The following RTTN variants were observed in gnomAD, a reference collection of about 807,000 sequenced individuals.
RTTN encodes rotatin.
Under a neutral mutation model 269.2 loss-of-function variants are expected in RTTN, and 182 were observed. The observed-to-expected ratio is 0.68, with a 90% CI of 0.60 to 0.76. The LOEUF is 0.76. Ranked by LOEUF, RTTN falls within the 30% of genes least tolerant of loss-of-function variation. The pLI is 0.00. For synonymous variants in RTTN, 1,006 were observed against 963.5 expected, an observed-to-expected ratio of 1.04 and a Z score of -0.82; for missense variants, 2,545 against 2,608.6, an observed-to-expected ratio of 0.98 and a Z score of 0.53.
chr18:70,179,992 T>A (rs1336062932), intron 10 of RTTN, among the ~76,000 whole-genome samples: 1 of 152,154 alleles, frequency 6.6e-6, no homozygotes, highest in Non-Finnish European at 1.5e-5. Flanking sequence ...CTCTCCACTA[T>A]TTGCACCTCA....
intron 3 of RTTN, among the ~76,000 whole-genome samples, chr18:70,202,861 A>T (rs2061986191): frequency 6.6e-6 from 1 of 152,234 alleles, no homozygotes; most frequent in Admixed American, 6.5e-5. Flanking sequence ...AACAAAACTC[A>T]ATAAATGACA....
intron 11 of RTTN, among the ~76,000 whole-genome samples, chr18:70,176,223 ATATGTATATG>A (rs2061294766): frequency 6.9e-6 from 1 of 145,484 alleles, no homozygotes; most frequent in Non-Finnish European, 1.5e-5. Context: ...ATGTATATGT[ATATGTATATG>A]TATATGTATA....
At chr18:70,016,801 G>A (rs1187892237) in intron 46 of RTTN, among the ~76,000 whole-genome samples, 2 of 151,850 alleles carry the variant, frequency 1.3e-5, no homozygotes, top group Non-Finnish European at 2.9e-5. Flanking sequence ...TTGAGTGCTC[G>A]CTAGTTGCAG....
chr18:70,086,541 A>T, intron 32 of RTTN, 72 bp downstream of exon 32: 3 of 1,121,460 alleles, frequency 2.7e-6, no homozygotes, highest in Admixed American at 2.1e-5. Flanking sequence ...GAAATATACT[A>T]CTTATACTGA....
chr18:70,176,047 AG>A (rs1782626423), intron 11 of RTTN, among the ~76,000 whole-genome samples: 1 of 152,112 alleles, frequency 6.6e-6, no homozygotes, highest in Non-Finnish European at 1.5e-5. Flanking sequence ...AAAAGATACA[AG>A]TGTACCAATT....
At chr18:70,202,006 T>C (rs760711515) in intron 3 of RTTN, 23 bp from the exon 4 acceptor site, 32 of 1,353,254 alleles carry the variant, frequency 2.4e-5, no homozygotes, top group Non-Finnish European at 3.2e-5. Flanking sequence ...TAAACATTAC[T>C]GTATTGTCGA....
rs566243371 is a variant in RTTN, at chr18:70,136,376, A to G, written c.2789-1096T>C. ...CCAACTGCCATAACAGAAAAGTTCT[A>G]TATGTTTCCATAAAATATTTAAGTT... On this transcript the variant is annotated intron_variant, in intron 21 of 48. Coordinates refer to ENST00000640769, the MANE Select transcript of RTTN (RefSeq NM_173630.4). 4.0e-5 allele frequency among the ~76,000 whole-genome samples: 6 copies of G among 151,342 alleles called. No individual in the cohort carries two copies. The South Asian group carries it at 1.3e-3, about 32-fold the overall frequency.
chr18:70,201,646 T>G (rs1435024525), intron 4 of RTTN, among the ~76,000 whole-genome samples: 1 of 142,752 alleles, frequency 7.0e-6, no homozygotes, highest in African/African-American at 2.5e-5. Flanking sequence ...TCATGTTCAT[T>G]CAGTACGACA....
chr18:70,055,126 C>T (rs1156841184), intron 37 of RTTN, among the ~76,000 whole-genome samples: 1 of 152,080 alleles, frequency 6.6e-6, no homozygotes, highest in East Asian at 1.9e-4. Flanking sequence ...TTGCCTGATG[C>T]TAATATTGTT....
chr18:70,120,932 T>A lies in RTTN; in HGVS notation c.3528+624A>T, dbSNP rs187589398. Among the ~76,000 whole-genome samples, 1,063 of 151,930 alleles carry A rather than the reference T, an allele frequency of 7.0e-3. 9 individuals carry two copies. The highest frequency in any genetic ancestry group is 0.024 in the African/African-American group (999 of 41,416). On this transcript the variant is annotated intron_variant, in intron 26 of 48. Coordinates refer to ENST00000640769, the MANE Select transcript of RTTN (RefSeq NM_173630.4). ...TGGGCGTGGTGGCAGGCACCTGTAA[T>A]CCCAGCTACTCAGGAGGCTGAGGCA... is the stretch of plus-strand genomic sequence containing the variant.
At chr18:70,204,010 A>C (rs2062017017) in intron 3 of RTTN, 76 bp downstream of exon 3, 3 of 1,188,232 alleles carry the variant, frequency 2.5e-6, no homozygotes, top group Admixed American at 5.0e-5. Flanking sequence ...CCTTTTTAAA[A>C]AAATCTAATC....
At chr18:70,160,049 T>C (rs1162371495) in intron 14 of RTTN, among the ~76,000 whole-genome samples, 2 of 152,012 alleles carry the variant, frequency 1.3e-5, no homozygotes, top group African/African-American at 2.4e-5. Context: ...TTCCAAAAAA[T>C]GAAGGAGGAG....
chr18:70,066,690 C>G (rs922481991), intron 34 of RTTN, among the ~76,000 whole-genome samples: 2 of 152,176 alleles, frequency 1.3e-5, no homozygotes, highest in Non-Finnish European at 2.9e-5. Context: ...TCAGTACATG[C>G]AACACAACAT....
intron 26 of RTTN, among the ~76,000 whole-genome samples, chr18:70,117,790 T>C (rs1390816014): frequency 2.6e-5 from 4 of 152,022 alleles, no homozygotes; most frequent in African/African-American, 9.7e-5. Flanking sequence ...ATATCATTTC[T>C]GACCATAGTG....
chr18:70,011,618 C>T (rs190805670), intron 46 of RTTN, among the ~76,000 whole-genome samples: 1,946 of 152,244 alleles, frequency 0.013, 25 homozygotes, highest in Middle Eastern at 0.027. Context: ...TATGACAAAC[C>T]CACAGCCAAT....
chr18:70,141,168 A>T lies in RTTN; in HGVS notation c.2582-980T>A, dbSNP rs540076568. 1.4e-3 allele frequency among the ~76,000 whole-genome samples: 210 copies of T among 152,288 alleles called. 1 individual carries two copies. The highest frequency in any genetic ancestry group is 4.9e-3 in the African/African-American group (202 of 41,572). ...CTGTGTGATTGTTGTTAAAACTAAA[A>T]ATATGTGGAATATGTTTTTTCAAAT... On this transcript the variant is annotated intron_variant, in intron 19 of 48. Coordinates refer to ENST00000640769, the MANE Select transcript of RTTN (RefSeq NM_173630.4).
Position 70,193,448 on chromosome 18 carries a change from C to T in RTTN, c.847G>A (p.Val283Ile). 6.6e-7 allele frequency: 1 copy of T among 1,517,584 alleles called. No individual in the cohort carries two copies. Among genetic ancestry groups the T allele is most frequent in the Non-Finnish European group, 8.8e-7 (1 of 1,134,366 alleles). 94.0% of individuals were successfully genotyped at this position (1,517,584 alleles called of 1,614,324 possible). ...PGFFSNKHDT[V>I]SQNSSLSYCH... ...TAAGACAAAGAAGAATTTTGGGAAA[C>T]TGTGTCTGGGGAAACAAAGAAAAAA... Residue 283 changes from valine (V) to isoleucine (I), a missense_variant, in exon 8 of 49, where the codon GTT becomes ATT. Transcript: ENST00000640769.
chr18:70,205,659 C>T lies in RTTN; in HGVS notation c.-1G>A, dbSNP rs2062062343. On this transcript the variant is annotated 5_prime_UTR_variant, in exon 1 of 49. Transcript: ENST00000640769. ...TCCTGATGAGCCCTGCCAGGACCAT[C>T]TCGTCCCGTCAATCTGCAGCCGCCG... 1.2e-6 allele frequency: 2 copies of T among 1,614,028 alleles called. No homozygotes were observed. Among genetic ancestry groups the T allele is most frequent in the African/African-American group, 1.3e-5 (1 of 74,910 alleles).
intron 46 of RTTN, among the ~76,000 whole-genome samples, chr18:70,015,125 C>CGTT (rs2056501815): frequency 1.3e-5 from 2 of 151,538 alleles, no homozygotes; most frequent in Non-Finnish European, 2.9e-5. Context: ...GTTGCCCAGG[C>CGTT]TGGAGTGCAG....
Sources: allele counts gnomAD v4.1 joint callset (sites outside exome capture counted in the v4.1 genomes callset), GRCh38; gene constraint gnomAD v4.1.1; transcripts MANE v1.5; gene names NCBI Gene and HGNC (gene_info 2026-07-23, HGNC 2026-07-21).